Variants in SHOC2 observed in about 807,000 individuals in gnomAD.
SHOC2 encodes the protein SHOC2 leucine rich repeat scaffold protein.
A neutral mutation model predicts 50.2 loss-of-function variants in SHOC2; 4 were observed. The ratio of observed to expected loss-of-function variants is 0.08; its 90% CI spans 0.04 to 0.18. SHOC2 has a LOEUF of 0.18. Among genes scored for constraint, SHOC2 ranks in the 10% least tolerant of loss-of-function variants. The probability of loss-of-function intolerance (pLI) is 1.00; values close to 1 mark genes in which losing one functional copy is unlikely to be tolerated. For synonymous variants in SHOC2, 218 were observed against 244.5 expected (o/e 0.89, Z 1.01); for missense variants, 388 against 669.6 (o/e 0.58, Z 4.64).
At chr10:110,930,608 T>C (rs768538759) in intron 1 of SHOC2, among the ~76,000 whole-genome samples, 2 of 152,144 alleles carry the variant, frequency 1.3e-5, no homozygotes, top group African/African-American at 2.4e-5. Flanking sequence ...ATAGCCTTTT[T>C]TTTAAAATTG....
chr10:110,928,668 G>C (rs1202811973), intron 1 of SHOC2, among the ~76,000 whole-genome samples: 1 of 152,168 alleles, frequency 6.6e-6, no homozygotes, highest in Non-Finnish European at 1.5e-5. Flanking sequence ...GGCTGAGGCA[G>C]ATGGATCGCT....
chr10:110,977,305 G>T (rs1723939318), intron 2 of SHOC2, among the ~76,000 whole-genome samples: 1 of 152,124 alleles, frequency 6.6e-6, no homozygotes, highest in Admixed American at 6.5e-5. Flanking sequence ...AGGCTGGAGT[G>T]CAATGGTGTG....
intron 2 of SHOC2, among the ~76,000 whole-genome samples, chr10:110,968,388 A>T (rs1365971961): frequency 6.6e-6 from 1 of 152,126 alleles, no homozygotes; most frequent in Non-Finnish European, 1.5e-5. Context: ...AGTAAAATGG[A>T]AATTTGACAT....
chr10:110,988,872 C>T (rs1564723609), intron 3 of SHOC2: 1 of 460,158 alleles, frequency 2.2e-6, no homozygotes, highest in South Asian at 1.6e-5. Context: ...GTTGTATTTT[C>T]CTTTTAAAAG....
At chr10:110,955,243 G>A (rs952289899) in intron 1 of SHOC2, among the ~76,000 whole-genome samples, 7 of 152,258 alleles carry the variant, frequency 4.6e-5, no homozygotes, top group East Asian at 1.9e-4. Flanking sequence ...CTTGGAGTAC[G>A]GTGAAGGCAA....
chr10:110,977,445 A>G (rs1847898412), intron 2 of SHOC2, among the ~76,000 whole-genome samples: 1 of 152,082 alleles, frequency 6.6e-6, no homozygotes, highest in South Asian at 2.1e-4. Flanking sequence ...GGGTTTCTCC[A>G]TGTTGGTCAG....
chr10:110,977,144 G>T (rs567648707), intron 2 of SHOC2, among the ~76,000 whole-genome samples: 1 of 152,070 alleles, frequency 6.6e-6, no homozygotes, highest in South Asian at 2.1e-4. Flanking sequence ...TTGTTTAACA[G>T]CTTTTTCACT....
chr10:110,957,562 A>C (rs1847491585), intron 1 of SHOC2, among the ~76,000 whole-genome samples: 2 of 131,804 alleles, frequency 1.5e-5, no homozygotes, highest in Admixed American at 8.6e-5. Context: ...TTTCCAACTC[A>C]CTCTTCCAGT....
chr10:110,958,239 G>T (rs1203578263), intron 1 of SHOC2, among the ~76,000 whole-genome samples: 1 of 146,876 alleles, frequency 6.8e-6, no homozygotes, highest in African/African-American at 2.5e-5. Context: ...TTTTTAAGAC[G>T]GAGTCTTGCT....
chr10:110,937,882 A>C (rs1564704718), intron 1 of SHOC2, among the ~76,000 whole-genome samples: 1 of 152,252 alleles, frequency 6.6e-6, no homozygotes, highest in East Asian at 1.9e-4. Context: ...GCATGAGACT[A>C]GAGACTAATG....
At position 110,964,693 on chromosome 10, in the gene SHOC2, T is replaced by C. The variant is rs201289608; in HGVS notation, c.335T>C (p.Ile112Thr). 1.0e-4 allele frequency: 164 copies of C among 1,614,054 alleles called. No individual in the cohort carries two copies. Among genetic ancestry groups the C allele is most frequent in the African/African-American group, 1.3e-5 (1 of 74,994 alleles). Residue 112 changes from isoleucine to threonine, a missense_variant, in exon 2 of 9, where the codon ATA (isoleucine) becomes ACA (threonine). Ile to Thr is a moderately conservative substitution (Grantham distance 89). This residue lies in a region of SHOC2 where 121 missense variants were observed against 145.5 expected (regional missense o/e 0.83). Coordinates refer to ENST00000369452, the MANE Select transcript of SHOC2 (RefSeq NM_007373.4). This position sits in a 1 kb window ranked among gnomAD's most constrained non-coding sequence, Gnocchi z 4.9. ...CGTTTGGACTTATCCAAGAGATCTA[T>C]ACACATATTGCCATCATCAATCAAA... ...SMRLDLSKRS[I>T]HILPSSIKEL... is the part of the protein sequence containing the mutation.
rs1215683046 is a variant in SHOC2, at chr10:111,009,778, C to T, written c.1488C>T (p.Leu496=). 3 of 1,613,378 alleles carry T rather than the reference C, an allele frequency of 1.9e-6. No individual in the cohort carries two copies. Among genetic ancestry groups the T allele is most frequent in the African/African-American group, 2.7e-5 (2 of 75,002 alleles). ...LPRGIGHLTN[L]THLGLGENLL... ...GAGGCATTGGTCACCTTACTAATCT[C>T]ACACATCTGGGCCTTGGAGAGAACC... The change falls in exon 8 of 9, where the codon CTC becomes CTT. Residue 496 remains leucine (L), a synonymous_variant. Transcript: ENST00000369452.
chr10:110,987,221 ACT>A (rs1310167220), intron 3 of SHOC2, among the ~76,000 whole-genome samples: 4 of 151,208 alleles, frequency 2.6e-5, no homozygotes, highest in South Asian at 2.1e-4. Context: ...TACGTTGTTA[ACT>A]CTCTGATTTT....
At chr10:110,976,204 C>G (rs533680504) in intron 2 of SHOC2, among the ~76,000 whole-genome samples, 2 of 152,180 alleles carry the variant, frequency 1.3e-5, no homozygotes, top group African/African-American at 2.4e-5. Flanking sequence ...GCTACCACAC[C>G]CAGCCTCAAA....
chr10:110,934,589 C>T (rs1467159620), intron 1 of SHOC2, among the ~76,000 whole-genome samples: 2 of 152,142 alleles, frequency 1.3e-5, no homozygotes, highest in Non-Finnish European at 2.9e-5. Flanking sequence ...TTTATGTGCA[C>T]ATTGCAGTGA....
chr10:110,965,592 T>A (rs1261648102), intron 2 of SHOC2, among the ~76,000 whole-genome samples: 6 of 152,170 alleles, frequency 3.9e-5, no homozygotes, highest in Non-Finnish European at 7.4e-5. Flanking sequence ...AGTACTTACA[T>A]GTTTATTAAA....
At chr10:110,977,259 A>AT (rs539731115) in intron 2 of SHOC2, among the ~76,000 whole-genome samples, 239 of 150,758 alleles carry the variant, frequency 1.6e-3, no homozygotes, top group South Asian at 4.4e-3. Flanking sequence ...ATGTCTGGTA[A>AT]TTTTTTTTTG....
intron 3 of SHOC2, among the ~76,000 whole-genome samples, chr10:110,989,366 T>C (rs1050594308): frequency 6.6e-6 from 1 of 152,244 alleles, no homozygotes; most frequent in African/African-American, 2.4e-5. Flanking sequence ...GCAGTCCTGT[T>C]GCCATAGTTG....
chr10:110,971,130 A>G (rs562492458), intron 2 of SHOC2, among the ~76,000 whole-genome samples: 3 of 152,182 alleles, frequency 2.0e-5, no homozygotes, highest in Non-Finnish European at 4.4e-5. Flanking sequence ...TGCCCAGACC[A>G]TTGTCCTGAA....
Sources: allele counts gnomAD v4.1 joint callset (sites outside exome capture counted in the v4.1 genomes callset), GRCh38; gene constraint gnomAD v4.1.1; regional missense constraint gnomAD v4.1.1; non-coding constraint Gnocchi (gnomAD v3.1); transcripts MANE v1.5; gene names NCBI Gene and HGNC (gene_info 2026-07-23, HGNC 2026-07-21).